The following TMPRSS4 variants were observed in gnomAD, a reference collection of about 807,000 sequenced individuals.
TMPRSS4 encodes transmembrane protease serine 4.
TMPRSS4 carries 45 observed loss-of-function variants against 56.4 expected under a neutral mutation model. That is an observed-to-expected ratio of 0.80 (90% CI 0.63 to 1.02). The LOEUF (loss-of-function observed/expected upper bound fraction) is 1.02. TMPRSS4 is among the 50% of genes least tolerant of loss of function. TMPRSS4 has a pLI of 0.00. For missense variants in TMPRSS4, 546 were observed against 556.7 expected, an observed-to-expected ratio of 0.98 and a Z score of 0.19; for synonymous variants, 205 against 211.0, an observed-to-expected ratio of 0.97 and a Z score of 0.25.
At chr11:118,080,186 A>G (rs1222123134) in intron 1 of TMPRSS4, among the ~76,000 whole-genome samples, 2 of 152,172 alleles carry the variant, frequency 1.3e-5, no homozygotes, top group Non-Finnish European at 2.9e-5. Context: ...CTGGAGCTGA[A>G]AAAGCAATAG....
chr11:118,094,992 G>A (rs536458128), intron 2 of TMPRSS4, 137 bp downstream of exon 2: 29 of 881,172 alleles, frequency 3.3e-5, no homozygotes, highest in Middle Eastern at 2.6e-4. Flanking sequence ...CCAGTCACCC[G>A]TCCATCCATC....
intron 11 of TMPRSS4, 105 bp from the exon 12 acceptor site, chr11:118,117,200 G>A: frequency 9.0e-7 from 1 of 1,111,754 alleles, no homozygotes; most frequent in Non-Finnish European, 1.4e-6. Context: ...TCGGAGAGCA[G>A]CAGGGAGTGC....
In TMPRSS4 at chr11:118,112,930, G is replaced by A. The variant is rs566744813; in HGVS notation, c.744-339G>A. The stretch of plus-strand genomic sequence containing the variant: ...CCTGGCATTGGGAAAAAGAAAGCAC[G>A]TAATGTAACTGACAGCATGAGTAAC... On this transcript the variant is annotated intron_variant, in intron 8 of 12. Transcript: ENST00000437212. Among the ~76,000 whole-genome samples, 203 of 150,450 alleles carry A rather than the reference G, an allele frequency of 1.3e-3. 1 individual carries two copies. The highest frequency in any genetic ancestry group is 4.5e-3 in the African/African-American group (185 of 40,880).
At chr11:118,125,035 G>T (rs898426290), downstream of TMPRSS4, among the ~76,000 whole-genome samples, 25 of 152,152 alleles carry the variant, frequency 1.6e-4, no homozygotes, top group African/African-American at 6.0e-4. Flanking sequence ...CACTACCACT[G>T]GTCTTCCCCT....
intron 2 of TMPRSS4, among the ~76,000 whole-genome samples, chr11:118,096,897 AAGAAAGAAAGAAAGGG>A (rs1946353799): frequency 1.9e-5 from 1 of 51,764 alleles, no homozygotes; most frequent in Non-Finnish European, 4.1e-5. Flanking sequence ...GAAAGAAAGA[AAGAAAGAAAGAAAGGG>A]AGAGAGAAAG....
intron 12 of TMPRSS4, 43 bp downstream of exon 12, chr11:118,117,497 C>G (rs768542308): frequency 6.3e-7 from 1 of 1,582,860 alleles, no homozygotes; most frequent in East Asian, 2.2e-5. Context: ...CCCTCCAGTC[C>G]TCTACCTGGG....
At chr11:118,080,077 G>A (rs540413075) in intron 1 of TMPRSS4, among the ~76,000 whole-genome samples, 2 of 152,296 alleles carry the variant, frequency 1.3e-5, no homozygotes, top group East Asian at 1.9e-4. Flanking sequence ...CCTCTAAATG[G>A]GGCTGGGGAT....
rs1162087428 is a variant in TMPRSS4, at chr11:118,077,254, C to T, written c.-49C>T. ...AGGCCCTCCTGCTGCCTTGGGGTGA[C>T]AATCTCAGCTCCAGGCTACAGGGAG... On this transcript the variant is annotated 5_prime_UTR_variant, in exon 1 of 13. Coordinates refer to ENST00000437212, the MANE Select transcript of TMPRSS4 (RefSeq NM_019894.4). 2 of 1,588,324 alleles carry T rather than the reference C, an allele frequency of 1.3e-6. No individual in the cohort carries two copies. The highest frequency in any genetic ancestry group is 2.3e-5 in the East Asian group (1 of 43,544).
In TMPRSS4 at chr11:118,077,263, C is replaced by A. The variant is rs1177161068; in HGVS notation, c.-40C>A. 1 of 1,593,902 alleles carries A rather than the reference C, an allele frequency of 6.3e-7. No homozygotes were observed. Among genetic ancestry groups the A allele is most frequent in the Admixed American group, 1.7e-5 (1 of 57,534 alleles). On this transcript the variant is annotated 5_prime_UTR_variant, in exon 1 of 13. Transcript: ENST00000437212. Reference sequence around the variant, plus strand: ...TGCTGCCTTGGGGTGACAATCTCAGCTCCAGGCTACAGGGAGACCGGGAGG... The same window carrying A: ...TGCTGCCTTGGGGTGACAATCTCAGATCCAGGCTACAGGGAGACCGGGAGG...
Position 118,120,942 on chromosome 11 carries a change from A to T in TMPRSS4, c.*3029A>T, listed in dbSNP as rs1433127498. On this transcript the variant is annotated 3_prime_UTR_variant, in exon 13 of 13. Transcript: ENST00000437212. The stretch of plus-strand genomic sequence containing the variant: ...TAAATCCACACCTATGTACATTATA[A>T]TGAAACTGCAGAACACCAAAGACAA... 1 of 152,220 alleles carries T rather than the reference A, an allele frequency of 6.6e-6. No individual in the cohort carries two copies. Among genetic ancestry groups the T allele is most frequent in the Non-Finnish European group, 1.5e-5 (1 of 68,054 alleles). The allele number at this position is 152,220 out of a possible 1,614,324, so 9.4% of individuals were successfully genotyped here.
intron 1 of TMPRSS4, among the ~76,000 whole-genome samples, chr11:118,083,036 C>T (rs984254768): frequency 2.0e-5 from 3 of 152,178 alleles, no homozygotes; most frequent in African/African-American, 7.2e-5. Context: ...CCCGCCACTT[C>T]TGCCCTGCCT....
intron 3 of TMPRSS4, chr11:118,102,853 C>CCA: frequency 2.0e-6 from 1 of 491,980 alleles, no homozygotes; most frequent in East Asian, 3.5e-5. Flanking sequence ...CCTGTTTCTC[C>CCA]CACACACGTG....
chr11:118,117,258 CCACCT>C, intron 11 of TMPRSS4, 42 bp from the exon 12 acceptor site: 1 of 1,605,930 alleles, frequency 6.2e-7, no homozygotes, highest in Non-Finnish European at 8.5e-7. Flanking sequence ...AGAAGCCCCC[CCACCT>C]CACCTGCCCT....
At chr11:118,104,918 G>A (rs1480647524) in intron 5 of TMPRSS4, 98 bp downstream of exon 5, 1 of 1,314,330 alleles carries the variant, frequency 7.6e-7, no homozygotes, top group Non-Finnish European at 1.0e-6. Context: ...AAAATTACGG[G>A]CATTGGAGCC....
At chr11:118,097,531 A>T (rs1946475473) in intron 2 of TMPRSS4, among the ~76,000 whole-genome samples, 1 of 151,952 alleles carries the variant, frequency 6.6e-6, no homozygotes, top group Non-Finnish European at 1.5e-5. Context: ...TCCCCATGGC[A>T]CCTCCCCAGC....
In TMPRSS4 at chr11:118,118,499, T is replaced by C. The variant is rs1947680494; in HGVS notation, c.*586T>C. 1 of 985,692 alleles carries C rather than the reference T, an allele frequency of 1.0e-6. No homozygotes were observed. Among genetic ancestry groups the C allele is most frequent in the Non-Finnish European group, 1.2e-6 (1 of 830,114 alleles). The allele number at this position is 985,692 out of a possible 1,614,324, so 61.1% of individuals were successfully genotyped here. A position where few individuals can be genotyped will look rare whatever the true frequency, so the allele number is the denominator to read the frequency against. ...CTTGATAAGAACTGAGCTGGGATGA[T>C]TGAACTTTCATTCTTTGGCTTGGGG... On this transcript the variant is annotated 3_prime_UTR_variant, in exon 13 of 13. Coordinates refer to ENST00000437212, the MANE Select transcript of TMPRSS4 (RefSeq NM_019894.4).
chr11:118,089,104 C>T (rs1565414715), intron 1 of TMPRSS4, among the ~76,000 whole-genome samples: 1 of 152,108 alleles, frequency 6.6e-6, no homozygotes. Flanking sequence ...CTATCCTGCT[C>T]AGGGATGTCA....
chr11:118,093,309 C>G (rs1405395072), intron 1 of TMPRSS4, among the ~76,000 whole-genome samples: 1 of 152,200 alleles, frequency 6.6e-6, no homozygotes, highest in South Asian at 2.1e-4. Context: ...CCAAGAGGAA[C>G]AGAAAAAATT....
intron 11 of TMPRSS4, among the ~76,000 whole-genome samples, chr11:118,116,768 A>C (rs1793178): frequency 0.74 from 107,388 of 146,042 alleles, 39,409 homozygotes; most frequent in South Asian, 0.85. Context: ...GGCTAGAGTG[A>C]AGTGGTTTGA....
Sources: gnomAD v4.1 joint callset for allele counts (sites outside exome capture counted in the v4.1 genomes callset) on GRCh38, gnomAD v4.1.1 for gene constraint, MANE v1.5 for transcripts, NCBI Gene and HGNC (gene_info 2026-07-23, HGNC 2026-07-21) for gene names.